The following TMEM50B variants were observed in gnomAD, a reference collection of about 807,000 sequenced individuals.
TMEM50B encodes the protein transmembrane protein 50B.
A neutral mutation model predicts 23.4 loss-of-function variants in TMEM50B; 14 were observed. That is an observed-to-expected ratio of 0.60 (90% CI 0.39 to 0.93). The LOEUF (loss-of-function observed/expected upper bound fraction) is 0.93. Among genes scored for constraint, TMEM50B ranks in the 40% least tolerant of loss-of-function variants. The probability of loss-of-function intolerance (pLI) is 0.00; values close to 1 mark genes in which losing one functional copy is unlikely to be tolerated. For synonymous variants in TMEM50B, 64 were observed against 62.3 expected (o/e 1.03, Z -0.13); for missense variants, 159 against 193.0 (o/e 0.82, Z 1.04).
At chr21:33,446,140 T>C (rs1253556110), downstream of TMEM50B, among the ~76,000 whole-genome samples, 1 of 152,142 alleles carries the variant, frequency 6.6e-6, no homozygotes, top group Non-Finnish European at 1.5e-5. Context: ...CCTAAACATT[T>C]TCCTCTCCTT....
At chr21:33,445,808 G>C (rs2123403221), downstream of TMEM50B, among the ~76,000 whole-genome samples, 1 of 151,802 alleles carries the variant, frequency 6.6e-6, no homozygotes, top group Admixed American at 6.6e-5. Flanking sequence ...GAAAAAAAAA[G>C]CCTACTTGTG....
chr21:33,471,613 C>G (rs2084316026), intron 1 of TMEM50B, among the ~76,000 whole-genome samples: 1 of 152,270 alleles, frequency 6.6e-6, no homozygotes, highest in African/African-American at 2.4e-5. Context: ...ATGGCTTGCA[C>G]CTGTAATCCC....
chr21:33,466,380 ATAAACT>A lies in TMEM50B; in HGVS notation c.212+624_212+629del. On this transcript the variant is annotated intron_variant, in intron 3 of 6. Coordinates refer to ENST00000542230, the MANE Select transcript of TMEM50B (RefSeq NM_006134.7). Reference sequence around the variant, plus strand: ...AAGCTTTTTTATGAAATGAGGTAACATAAACTTAAAAATAATTTAATAAAAACAAAA... The same window carrying A: ...AAGCTTTTTTATGAAATGAGGTAACATAAAAATAATTTAATAAAAACAAAA... 1.3e-5 allele frequency among the ~76,000 whole-genome samples: 2 copies of A among 152,354 alleles called. 1 individual carries two copies. The highest frequency in any genetic ancestry group is 6.8e-3 in the Middle Eastern group (2 of 294).
At position 33,468,667 on chromosome 21, in the gene TMEM50B, A is replaced by G. The variant is rs572555880; in HGVS notation, c.99+120T>C. 8 of 733,416 alleles carry G rather than the reference A, an allele frequency of 1.1e-5. No homozygotes were observed. In the African/African-American group the frequency reaches 1.4e-4, roughly 13 times the overall value. 45.4% of individuals were successfully genotyped at this position (733,416 alleles called of 1,614,324 possible). A position where few individuals can be genotyped will look rare whatever the true frequency, so the allele number is the denominator to read the frequency against. ...GTATCTAGAACTCTGATAATCATCT[A>G]TACAAAACAGCAGTGAAATAAATAG... is the stretch of plus-strand genomic sequence containing the variant. On this transcript the variant is annotated intron_variant, in intron 2 of 6. Transcript: ENST00000542230.
Position 33,460,418 on chromosome 21 carries a change from G to T in TMEM50B, c.368C>A (p.Thr123Asn). The change falls in exon 5 of 7, where the codon ACC becomes AAC. Residue 123 changes from threonine to asparagine, a missense_variant. By Grantham distance (65) the Thr-to-Asn change is moderately conservative (BLOSUM62 0). Transcript: ENST00000542230. ...SMWILFGAYVTQNTDVYPGLA... is the reference protein window; with the variant it reads ...SMWILFGAYVNQNTDVYPGLA... ...CAAGAAGAATATATACTTACTTTGG[G>T]TAACATATGCACCAAAAAGAATCCA... The T allele has an allele frequency of 6.3e-7, 1 of 1,592,424 alleles. No individual in the cohort carries two copies. The highest frequency in any genetic ancestry group is 8.6e-7 in the Non-Finnish European group (1 of 1,163,038).
intron 7 of TMEM50B, among the ~76,000 whole-genome samples, chr21:33,443,367 T>G (rs1339461116): frequency 7.0e-6 from 1 of 142,436 alleles, no homozygotes; most frequent in African/African-American, 2.6e-5. Context: ...ACTACTAAAA[T>G]AGTGGAGCAC....
At chr21:33,437,809 C>T (rs1211687354) in intron 8 of TMEM50B, among the ~76,000 whole-genome samples, 1 of 151,624 alleles carries the variant, frequency 6.6e-6, no homozygotes, top group African/African-American at 2.4e-5. Flanking sequence ...CATGGTGAAA[C>T]CCTGTCTCTA....
intron 1 of TMEM50B, 102 bp downstream of exon 1, chr21:33,479,736 C>G (rs1208809079): frequency 6.6e-6 from 1 of 152,482 alleles, no homozygotes; most frequent in Non-Finnish European, 1.5e-5. Context: ...CCCCAGAAGG[C>G]CGGGCCGGAC....
chr21:33,475,597 T>C (rs1257382314), intron 1 of TMEM50B, among the ~76,000 whole-genome samples: 1 of 151,992 alleles, frequency 6.6e-6, no homozygotes, highest in Non-Finnish European at 1.5e-5. Context: ...CCACCCGCCT[T>C]GGCCTCCCAA....
chr21:33,456,993 G>A (rs1450232412), intron 5 of TMEM50B, among the ~76,000 whole-genome samples: 3 of 152,162 alleles, frequency 2.0e-5, no homozygotes, highest in Admixed American at 6.6e-5. Flanking sequence ...GGTGACTCAC[G>A]CTTGTAATCC....
chr21:33,438,540 G>C (rs1268915040), intron 8 of TMEM50B, among the ~76,000 whole-genome samples: 1 of 152,096 alleles, frequency 6.6e-6, no homozygotes, highest in African/African-American at 2.4e-5. Context: ...GCTCACACCT[G>C]TAATCCCAGC....
chr21:33,466,102 A>G (rs975871672), intron 3 of TMEM50B, among the ~76,000 whole-genome samples: 1 of 152,252 alleles, frequency 6.6e-6, no homozygotes, highest in African/African-American at 2.4e-5. Context: ...TCTACTAAAA[A>G]TACAAAAAAT....
At chr21:33,452,560 A>G (rs2084131705) in intron 6 of TMEM50B, among the ~76,000 whole-genome samples, 1 of 152,232 alleles carries the variant, frequency 6.6e-6, no homozygotes, top group African/African-American at 2.4e-5. Flanking sequence ...CAGAGAGTGG[A>G]AACACTCAAA....
exon 8 of TMEM50B, chr21:33,439,214 C>T (rs895607945): frequency 6.6e-6 from 1 of 152,230 alleles, no homozygotes; most frequent in South Asian, 2.1e-4. Flanking sequence ...AAAGACTTAC[C>T]TTAGACCGTT....
chr21:33,450,967 C>A, intron 6 of TMEM50B, 104 bp from the exon 7 acceptor site: 1 of 926,948 alleles, frequency 1.1e-6, no homozygotes. Flanking sequence ...TGATTCCTAT[C>A]AATTTTAAAA....
chr21:33,435,918 G>A (rs866612959), intron 8 of TMEM50B, among the ~76,000 whole-genome samples: 10 of 143,572 alleles, frequency 7.0e-5, no homozygotes, highest in Middle Eastern at 3.9e-3. Flanking sequence ...TTAGCCAGCC[G>A]TGGTGGTGCA....
chr21:33,445,904 G>T (rs754242835), downstream of TMEM50B, among the ~76,000 whole-genome samples: 2 of 152,160 alleles, frequency 1.3e-5, no homozygotes, highest in Non-Finnish European at 2.9e-5. Flanking sequence ...AAACAGTCTT[G>T]CAGTCAAATA....
chr21:33,445,830 T>C (rs1202870371), downstream of TMEM50B, among the ~76,000 whole-genome samples: 1 of 152,104 alleles, frequency 6.6e-6, no homozygotes, highest in Non-Finnish European at 1.5e-5. Context: ...GAATCACTTA[T>C]TATTTCCAGG....
intron 8 of TMEM50B, chr21:33,437,139 T>A: frequency 1.7e-6 from 1 of 584,946 alleles, no homozygotes; most frequent in Non-Finnish European, 3.0e-6. Context: ...TTTTTTTTTT[T>A]CTTAAAGAAT....
Sources: allele counts gnomAD v4.1 joint callset (sites outside exome capture counted in the v4.1 genomes callset), GRCh38; gene constraint gnomAD v4.1.1; transcripts MANE v1.5; gene names NCBI Gene and HGNC (gene_info 2026-07-23, HGNC 2026-07-21).